DOCK9: variants seen among roughly 807,000 people sequenced by gnomAD.
The protein encoded by DOCK9 is dedicator of cytokinesis protein 9.
DOCK9 carries 89 observed loss-of-function variants against 263.3 expected under a neutral mutation model. That is an observed-to-expected ratio of 0.34 (90% CI 0.28 to 0.40). DOCK9 has a LOEUF of 0.40. DOCK9 is among the 10% of genes least tolerant of loss of function. DOCK9 has a pLI of 1.00. For synonymous variants in DOCK9, 976 were observed against 973.1 expected (o/e 1.00, Z -0.06); for missense variants, 2,140 against 2,603.4 (o/e 0.82, Z 3.87).
intron 1 of DOCK9, among the ~76,000 whole-genome samples, chr13:99,059,939 A>G (rs1002810020): frequency 4.6e-5 from 7 of 152,000 alleles, no homozygotes; most frequent in Non-Finnish European, 8.8e-5. Flanking sequence ...TCCACTTCAC[A>G]TAATGTTATC....
At chr13:99,069,756 T>C (rs1260686572) in intron 1 of DOCK9, among the ~76,000 whole-genome samples, 1 of 152,212 alleles carries the variant, frequency 6.6e-6, no homozygotes, top group Non-Finnish European at 1.5e-5. Context: ...TAGTGGTACT[T>C]TCCAAAAAAT....
intron 1 of DOCK9, among the ~76,000 whole-genome samples, chr13:99,027,533 C>T (rs549262916): frequency 1.3e-4 from 20 of 152,218 alleles, no homozygotes; most frequent in Middle Eastern, 3.4e-3. Context: ...ATAAGGGAAC[C>T]GCAAGGTCAA....
intron 1 of DOCK9, among the ~76,000 whole-genome samples, chr13:98,975,509 A>ACACACACACACACACACACAC (rs1555436469): frequency 6.7e-6 from 1 of 149,248 alleles, no homozygotes; most frequent in Non-Finnish European, 1.5e-5. Flanking sequence ...ACACACACAC[A>ACACACACACACACACACACAC]AGTTATACTG....
intron 47 of DOCK9, 142 bp from the exon 48 acceptor site, chr13:98,807,949 A>C (rs2090910490): frequency 1.6e-6 from 1 of 637,902 alleles, no homozygotes; most frequent in Non-Finnish European, 2.5e-6. Context: ...ATGAGAAAGA[A>C]AATGCTAATA....
exon 1 of DOCK9, chr13:99,086,232 G>A (rs1029330235): frequency 6.6e-7 from 1 of 1,504,178 alleles, no homozygotes. Context: ...CCAGGAGCAC[G>A]GAGCCGCGCA....
At chr13:98,984,426 A>C (rs1877964627) in intron 1 of DOCK9, among the ~76,000 whole-genome samples, 1 of 152,228 alleles carries the variant, frequency 6.6e-6, no homozygotes, top group Admixed American at 6.5e-5. Context: ...TTGTATCTCC[A>C]AAACAGGGCA....
At chr13:98,955,805 G>A (rs1455540541) in intron 1 of DOCK9, among the ~76,000 whole-genome samples, 2 of 152,228 alleles carry the variant, frequency 1.3e-5, no homozygotes, top group Admixed American at 6.5e-5. Flanking sequence ...GGAGCTTCCA[G>A]TCATTTCTCG....
chr13:98,837,253 T>A (rs149889222), intron 39 of DOCK9, among the ~76,000 whole-genome samples: 329 of 152,324 alleles, frequency 2.2e-3, no homozygotes, highest in South Asian at 0.012. Context: ...AGAGACCGTG[T>A]TTCCACCATA....
chr13:99,011,529 G>C (rs944240590), intron 1 of DOCK9, among the ~76,000 whole-genome samples: 1 of 152,144 alleles, frequency 6.6e-6, no homozygotes, highest in Non-Finnish European at 1.5e-5. Context: ...ATTATGAAGA[G>C]AAGAAATTTA....
Position 98,970,521 on chromosome 13 carries a change from CTGCTGCCTTTCCCTTGGCAG to C in DOCK9, c.126+7243_126+7262del, listed in dbSNP as rs1483325925. 2.0e-5 allele frequency among the ~76,000 whole-genome samples: 3 copies of C among 152,292 alleles called. No homozygotes were observed. The East Asian group carries it at 5.8e-4, about 29-fold the overall frequency. ...GAGTGCTGGCTCTCTGCATCGCTTGCTGCTGCCTTTCCCTTGGCAGTGACAACTCTCCATATTAAGGAAAT... is the reference window on the plus strand; with the variant it reads ...GAGTGCTGGCTCTCTGCATCGCTTGCTGACAACTCTCCATATTAAGGAAAT... On this transcript the variant is annotated intron_variant, in intron 1 of 52. Transcript: ENST00000682017.
chr13:98,842,233 T>C (rs2093247425), intron 38 of DOCK9, among the ~76,000 whole-genome samples: 1 of 152,212 alleles, frequency 6.6e-6, no homozygotes, highest in South Asian at 2.1e-4. Context: ...TTAAGTGACC[T>C]GGACAATACC....
chr13:98,979,952 A>C (rs1200007431), upstream of DOCK9, among the ~76,000 whole-genome samples: 1 of 152,262 alleles, frequency 6.6e-6, no homozygotes, highest in Non-Finnish European at 1.5e-5. Flanking sequence ...TAAATAGTCC[A>C]GTTCTTCCTC....
At chr13:98,890,894 C>T (rs117827595) in intron 15 of DOCK9, among the ~76,000 whole-genome samples, 1,699 of 152,308 alleles carry the variant, frequency 0.011, 76 homozygotes, top group Admixed American at 0.077. Context: ...CTCATTTCCA[C>T]TTGTCTTCTG....
intron 1 of DOCK9, among the ~76,000 whole-genome samples, chr13:98,974,003 A>G (rs1460122387): frequency 2.6e-5 from 4 of 152,196 alleles, no homozygotes; most frequent in Non-Finnish European, 5.9e-5. Flanking sequence ...CCTGTGCTGC[A>G]GTCCCTACCA....
At chr13:99,044,261 C>A (rs1371355543) in intron 1 of DOCK9, among the ~76,000 whole-genome samples, 3 of 152,200 alleles carry the variant, frequency 2.0e-5, no homozygotes, top group African/African-American at 7.2e-5. Flanking sequence ...CACCAGCCAG[C>A]CTCCTGTAAT....
At chr13:98,848,524 A>C in intron 37 of DOCK9, 68 bp downstream of exon 37, 2 of 1,530,974 alleles carry the variant, frequency 1.3e-6, no homozygotes, top group South Asian at 2.4e-5. Flanking sequence ...ACTGATGACC[A>C]ATCCCACACA....
At chr13:99,047,327 GCTGCCATCGCAGCACATAAGCACGT>G (rs1368026479) in intron 1 of DOCK9, among the ~76,000 whole-genome samples, 1 of 152,164 alleles carries the variant, frequency 6.6e-6, no homozygotes, top group Non-Finnish European at 1.5e-5. Context: ...AGGAGTATCA[GCTGCCATCGCAGCACATAAGCACGT>G]CTGTTACCAT....
At chr13:99,060,923 T>C (rs1322786896) in intron 1 of DOCK9, among the ~76,000 whole-genome samples, 1 of 152,224 alleles carries the variant, frequency 6.6e-6, no homozygotes, top group African/African-American at 2.4e-5. Flanking sequence ...GCATGTTAAA[T>C]AAATAAGTTA....
At chr13:98,949,768 C>A (rs2057183938) in intron 2 of DOCK9, 1 of 423,188 alleles carries the variant, frequency 2.4e-6, no homozygotes, top group Non-Finnish European at 4.6e-6. Context: ...CCAGGTGAGG[C>A]CATCTCCTTG....
Sources: gnomAD v4.1 joint callset for allele counts (sites outside exome capture counted in the v4.1 genomes callset) on GRCh38, gnomAD v4.1.1 for gene constraint, MANE v1.5 for transcripts, NCBI Gene and HGNC (gene_info 2026-07-23, HGNC 2026-07-21) for gene names.